The following MACROD1 variants were observed in gnomAD, a reference collection of about 807,000 sequenced individuals.
MACROD1 encodes ADP-ribose glycohydrolase MACROD1.
Under a neutral mutation model 41.4 loss-of-function variants are expected in MACROD1, and 31 were observed. The ratio of observed to expected loss-of-function variants is 0.75; its 90% confidence interval spans 0.56 to 1.01. The LOEUF (loss-of-function observed/expected upper bound fraction) is 1.01. MACROD1 is among the 50% of genes least tolerant of loss of function. MACROD1 has a pLI of 0.00. For missense variants in MACROD1, 473 were observed against 460.0 expected (o/e 1.03, Z -0.26); for synonymous variants, 252 against 203.4 (o/e 1.24, Z -2.03).
In MACROD1 at chr11:64,146,152, AG is replaced by A. The variant is rs1321031420; in HGVS notation, c.517+5086del. 6.6e-6 allele frequency among the ~76,000 whole-genome samples: 1 copy of A among 152,148 alleles called. No homozygotes were observed. Among genetic ancestry groups the A allele is most frequent in the Non-Finnish European group, 1.5e-5 (1 of 68,026 alleles). ...TCAGGAACAAGAAGTCCACACACAC[AG>A]GTCTGGTGCACCAGGAAACTCAAGG... On this transcript the variant is annotated intron_variant, in intron 3 of 10. Transcript: ENST00000255681. The surrounding 1 kb of genome is among the most constrained non-coding windows in gnomAD (Gnocchi z 4.7).
chr11:64,024,760 C>T (rs919366361), intron 3 of MACROD1, among the ~76,000 whole-genome samples: 7 of 152,076 alleles, frequency 4.6e-5, no homozygotes, highest in East Asian at 3.9e-4. Context: ...GGCCTTAGGA[C>T]GGCCATGGAC....
intron 3 of MACROD1, among the ~76,000 whole-genome samples, chr11:64,079,126 G>A (rs556339713): frequency 1.2e-4 from 18 of 152,250 alleles, no homozygotes; most frequent in African/African-American, 3.9e-4. Flanking sequence ...GGCGGTGGAC[G>A]GGAGGGAGGG....
chr11:64,026,659 G>C (rs563031674), intron 3 of MACROD1, among the ~76,000 whole-genome samples: 3 of 152,256 alleles, frequency 2.0e-5, no homozygotes, highest in Non-Finnish European at 4.4e-5. Flanking sequence ...ATTATACTTA[G>C]AATAAAATCC....
chr11:64,068,182 G>C (rs1944040834), intron 3 of MACROD1, among the ~76,000 whole-genome samples: 1 of 152,228 alleles, frequency 6.6e-6, no homozygotes, highest in Non-Finnish European at 1.5e-5. Flanking sequence ...CGCTTCGGGA[G>C]TGTTGGCAAC....
Position 63,999,774 on chromosome 11 carries a change from C to T in MACROD1, c.665-11G>A. 1 of 1,602,614 alleles carries T rather than the reference C, an allele frequency of 6.2e-7. No individual in the cohort carries two copies. Among genetic ancestry groups the T allele is most frequent in the Middle Eastern group, 2.2e-4 (1 of 4,450 alleles). On this transcript the variant is annotated splice_polypyrimidine_tract_variant and intron_variant, in intron 5 of 10. Transcript: ENST00000255681. ...CTGTGTGGATGACGTCTACGGGGGG[C>T]GACGGGGTCAGACCGGCGGGGGTCT...
At chr11:64,034,043 ATT>A (rs1943328484) in intron 3 of MACROD1, among the ~76,000 whole-genome samples, 1 of 152,208 alleles carries the variant, frequency 6.6e-6, no homozygotes. Context: ...ACTGCGAGGC[ATT>A]GAGTGCCCGC....
intron 3 of MACROD1, among the ~76,000 whole-genome samples, chr11:64,111,639 C>T (rs748624640): frequency 5.0e-4 from 76 of 152,174 alleles, no homozygotes; most frequent in Admixed American, 9.2e-4. Context: ...GCAACCTCTG[C>T]ACCCTTGCCT....
rs568319026 is a variant in MACROD1 at position 64,117,308 on chromosome 11, G to A, written c.517+33931C>T. The A allele has an allele frequency of 7.6e-5, 123 of 1,614,122 alleles. No homozygotes were observed. The South Asian group carries it at 1.1e-3, about 14-fold the overall frequency. ...TGCGGGACTGGGTGAAGGCACGGGC[G>A]GCCGTGGTCAACGTGCGGGGCCTCA... On this transcript the variant is annotated intron_variant, in intron 3 of 10. Transcript: ENST00000255681.
chr11:64,109,467 A>T (rs750370300), intron 3 of MACROD1, among the ~76,000 whole-genome samples: 2 of 152,120 alleles, frequency 1.3e-5, no homozygotes, highest in Non-Finnish European at 2.9e-5. Flanking sequence ...GGTCTAATGC[A>T]CCGTGAGCAC....
chr11:64,085,039 A>G (rs1009054050), intron 3 of MACROD1, among the ~76,000 whole-genome samples: 16 of 152,230 alleles, frequency 1.1e-4, no homozygotes, highest in African/African-American at 3.9e-4. Flanking sequence ...TTTTACAGAT[A>G]AAGAAACTGA....
intron 3 of MACROD1, among the ~76,000 whole-genome samples, chr11:64,019,543 G>C (rs1943125975): frequency 2.0e-5 from 3 of 152,246 alleles, no homozygotes; most frequent in Admixed American, 6.5e-5. Context: ...GGCCAGACCT[G>C]AGTGCTCAGA....
rs759728025 is a variant in MACROD1 at position 63,999,688 on chromosome 11, TAGC to T, written c.737_739del (p.Cys246del). 90 of 1,609,008 alleles carry T rather than the reference TAGC, an allele frequency of 5.6e-5. No homozygotes were observed. Among genetic ancestry groups the T allele is most frequent in the Non-Finnish European group, 7.4e-5 (87 of 1,179,110 alleles). ...CAGCAGCAGGTCCAGACTGCTCAGG[TAGC>T]AGCTGCGGAGCTCGGCAGCCTGACT... On this transcript the variant is annotated inframe_deletion, in exon 6 of 11. Coordinates refer to ENST00000255681, the MANE Select transcript of MACROD1 (RefSeq NM_014067.4).
intron 3 of MACROD1, among the ~76,000 whole-genome samples, chr11:64,030,512 T>G (rs1274171548): frequency 6.6e-6 from 1 of 152,128 alleles, no homozygotes; most frequent in Non-Finnish European, 1.5e-5. Flanking sequence ...AGATGAATAC[T>G]AACAAAACAC....
rs1187759325 is a variant in MACROD1, at chr11:64,145,784, A to G, written c.517+5455T>C. Among the ~76,000 whole-genome samples the G allele has an allele frequency of 2.7e-5, 4 of 149,528 alleles. No individual in the cohort carries two copies. In the East Asian group the frequency reaches 6.0e-4, roughly 22 times the overall value. ...ATGGGGATTTTTCTTTTTTTTTGAGATGGAATCTTGCTCTGTCACCCAGCA... is the reference window on the plus strand; with the variant it reads ...ATGGGGATTTTTCTTTTTTTTTGAGGTGGAATCTTGCTCTGTCACCCAGCA... On this transcript the variant is annotated intron_variant, in intron 3 of 10. Coordinates refer to ENST00000255681, the MANE Select transcript of MACROD1 (RefSeq NM_014067.4).
intron 3 of MACROD1, among the ~76,000 whole-genome samples, chr11:64,114,548 C>CATGG (rs139254051): frequency 5.7e-4 from 78 of 136,106 alleles, no homozygotes; most frequent in African/African-American, 2.0e-3. Context: ...TGGATTGATG[C>CATGG]ATGGATGGAT....
chr11:64,139,035 G>A lies in MACROD1; in HGVS notation c.517+12204C>T, dbSNP rs185006699. Among the ~76,000 whole-genome samples, 679 of 152,290 alleles carry A rather than the reference G, an allele frequency of 4.5e-3. 8 individuals carry two copies. Among genetic ancestry groups the A allele is most frequent in the African/African-American group, 0.013 (555 of 41,556 alleles). ...ACCCACCTTGGCCTCCCAAAGTGCT[G>A]GGATTATAGGCGTGAGCCACCGCGC... On this transcript the variant is annotated intron_variant, in intron 3 of 10. Transcript: ENST00000255681.
intron 3 of MACROD1, among the ~76,000 whole-genome samples, chr11:64,098,789 G>A (rs1944621678): frequency 6.6e-6 from 1 of 152,164 alleles, no homozygotes; most frequent in African/African-American, 2.4e-5. Context: ...TCCCAGGGAG[G>A]GGGCAGGCAT....
At chr11:64,143,282 T>C (rs1408334970) in intron 3 of MACROD1, among the ~76,000 whole-genome samples, 1 of 152,156 alleles carries the variant, frequency 6.6e-6, no homozygotes, top group Non-Finnish European at 1.5e-5. Flanking sequence ...AGGGTTTGAT[T>C]CCCAGCCCTG....
intron 3 of MACROD1, among the ~76,000 whole-genome samples, chr11:64,135,508 C>T (rs941457985): frequency 6.6e-6 from 1 of 152,254 alleles, no homozygotes; most frequent in African/African-American, 2.4e-5. Context: ...AGGGCCAGAA[C>T]CATCCCTGCA....
Sources: gnomAD v4.1 joint callset for allele counts (sites outside exome capture counted in the v4.1 genomes callset) on GRCh38, gnomAD v4.1.1 for gene constraint, Gnocchi (gnomAD v3.1) non-coding constraint, MANE v1.5 for transcripts, NCBI Gene and HGNC (gene_info 2026-07-23, HGNC 2026-07-21) for gene names.